The following CADM2 variants were observed in gnomAD, a reference collection of about 807,000 sequenced individuals.
CADM2 encodes the protein immunoglobulin superfamily member 4D.
Under a neutral mutation model 49.8 loss-of-function variants are expected in CADM2, and 12 were observed. That is an observed-to-expected ratio of 0.24 (90% CI 0.15 to 0.39). CADM2 has a LOEUF of 0.39. CADM2 is among the 10% of genes least tolerant of loss of function. The pLI is 1.00. For synonymous variants in CADM2, 214 were observed against 175.4 expected (o/e 1.22, Z -1.74); for missense variants, 378 against 492.3 (o/e 0.77, Z 2.20).
In CADM2 at chr3:85,718,317, C is replaced by T. The variant is rs139842458; in HGVS notation, c.62-8205C>T. Among the ~76,000 whole-genome samples, 38 of 152,248 alleles carry T rather than the reference C, an allele frequency of 2.5e-4. No homozygotes were observed. In the East Asian group the frequency reaches 6.6e-3, roughly 26 times the overall value. On this transcript the variant is annotated intron_variant, in intron 1 of 9. Coordinates refer to ENST00000383699, the MANE Select transcript of CADM2 (RefSeq NM_001167675.2). ...GTAATGTAGACATAAAATATAACTT[C>T]AAAGATTGCCCGTGTACTTTAGTTA...
intron 1 of CADM2, among the ~76,000 whole-genome samples, chr3:84,993,762 T>C (rs936129386): frequency 2.0e-5 from 3 of 152,164 alleles, no homozygotes; most frequent in African/African-American, 7.2e-5. Flanking sequence ...AGCCTTAGGG[T>C]GCAGAACAGA....
At chr3:85,147,457 C>G (rs1486059384) in intron 1 of CADM2, among the ~76,000 whole-genome samples, 1 of 151,848 alleles carries the variant, frequency 6.6e-6, no homozygotes, top group Admixed American at 6.6e-5. Flanking sequence ...TACTCTTAAT[C>G]AAATAATATA....
At chr3:85,613,083 C>A (rs2063717853) in intron 1 of CADM2, among the ~76,000 whole-genome samples, 1 of 151,610 alleles carries the variant, frequency 6.6e-6, no homozygotes, top group African/African-American at 2.4e-5. Context: ...AATATAAACA[C>A]ACACAGGAAT....
intron 1 of CADM2, among the ~76,000 whole-genome samples, chr3:85,412,687 G>A (rs184120898): frequency 6.6e-6 from 1 of 151,636 alleles, no homozygotes; most frequent in Admixed American, 6.6e-5. Flanking sequence ...TCATCCTATT[G>A]AAAATAAAAC....
chr3:85,103,195 G>C (rs2038075157), intron 1 of CADM2, among the ~76,000 whole-genome samples: 1 of 152,142 alleles, frequency 6.6e-6, no homozygotes, highest in Non-Finnish European at 1.5e-5. Flanking sequence ...AACGTAGGGA[G>C]AAACAGTAAC....
At chr3:85,461,485 G>T (rs1358273985) in intron 1 of CADM2, among the ~76,000 whole-genome samples, 1 of 152,080 alleles carries the variant, frequency 6.6e-6, no homozygotes, top group Non-Finnish European at 1.5e-5. Flanking sequence ...AGGAAAAATT[G>T]TAAGCTACAA....
chr3:85,391,711 T>C (rs538165669), intron 1 of CADM2, among the ~76,000 whole-genome samples: 100 of 152,246 alleles, frequency 6.6e-4, no homozygotes, highest in African/African-American at 2.3e-3. Context: ...TATTCTTAGA[T>C]ACAGATTTGT....
At chr3:85,984,487 A>C (rs1230206003) in intron 8 of CADM2, among the ~76,000 whole-genome samples, 1 of 151,744 alleles carries the variant, frequency 6.6e-6, no homozygotes, top group Non-Finnish European at 1.5e-5. Context: ...TATATATTTA[A>C]GTGGTTATGT....
chr3:85,504,975 G>A (rs1309742231), intron 1 of CADM2, among the ~76,000 whole-genome samples: 4 of 152,130 alleles, frequency 2.6e-5, no homozygotes, highest in Non-Finnish European at 4.4e-5. Flanking sequence ...TTCGCGTGCG[G>A]GGCCCGCCAA....
chr3:85,859,941 T>C (rs1046708798), intron 3 of CADM2, among the ~76,000 whole-genome samples: 1 of 152,164 alleles, frequency 6.6e-6, no homozygotes, highest in Non-Finnish European at 1.5e-5. Flanking sequence ...TCATTCTCCT[T>C]GAAGTGAGAT....
intron 1 of CADM2, among the ~76,000 whole-genome samples, chr3:85,452,742 T>A (rs2037808690): frequency 6.6e-6 from 1 of 152,172 alleles, no homozygotes; most frequent in Admixed American, 6.5e-5. Context: ...TTGGAAGTTG[T>A]CTTGCGGTAG....
intron 7 of CADM2, among the ~76,000 whole-genome samples, chr3:85,952,906 A>C (rs765027964): frequency 2.0e-5 from 3 of 150,976 alleles, no homozygotes; most frequent in Non-Finnish European, 4.5e-5. Flanking sequence ...CTCACTTCTC[A>C]AAAATCAAAA....
At chr3:85,669,017 C>T (rs1691339842) in intron 1 of CADM2, among the ~76,000 whole-genome samples, 2 of 152,110 alleles carry the variant, frequency 1.3e-5, no homozygotes, top group South Asian at 4.1e-4. Context: ...GATAATTTCA[C>T]CTGATAAAAT....
chr3:85,723,175 A>T (rs2067568165), intron 1 of CADM2, among the ~76,000 whole-genome samples: 2 of 152,150 alleles, frequency 1.3e-5, no homozygotes, highest in African/African-American at 4.8e-5. Flanking sequence ...TACAATTTTA[A>T]TATTATAACG....
chr3:85,989,330 A>G (rs1728484553), intron 8 of CADM2, among the ~76,000 whole-genome samples: 1 of 152,186 alleles, frequency 6.6e-6, no homozygotes, highest in South Asian at 2.1e-4. Context: ...TATCCTAAGC[A>G]AAGAAAAACT....
chr3:85,599,704 A>C (rs1482050043), intron 1 of CADM2, among the ~76,000 whole-genome samples: 1 of 151,930 alleles, frequency 6.6e-6, no homozygotes, highest in Admixed American at 6.6e-5. Flanking sequence ...AATTATGTCA[A>C]ATTTATAAAA....
chr3:85,020,495 A>G (rs758182507), intron 1 of CADM2, among the ~76,000 whole-genome samples: 1 of 152,210 alleles, frequency 6.6e-6, no homozygotes, highest in Non-Finnish European at 1.5e-5. Flanking sequence ...GCTATAATAA[A>G]CAATCTACTT....
Position 85,035,399 on chromosome 3 carries a change from T to C in CADM2, c.61+75731T>C, listed in dbSNP as rs578007008. Among the ~76,000 whole-genome samples, 3 of 152,310 alleles carry C rather than the reference T, an allele frequency of 2.0e-5. No homozygotes were observed. In the South Asian group the frequency reaches 6.2e-4, roughly 32 times the overall value. On this transcript the variant is annotated intron_variant, in intron 1 of 9. Coordinates refer to ENST00000383699, the MANE Select transcript of CADM2 (RefSeq NM_001167675.2). ...CTTTTCAGTTTGTTGACTGTTTCCT[T>C]TGCTATGCAGAAATTTTTTGACTTG...
At chr3:85,516,190 C>T (rs1475980764) in intron 1 of CADM2, among the ~76,000 whole-genome samples, 1 of 152,116 alleles carries the variant, frequency 6.6e-6, no homozygotes, top group Admixed American at 6.5e-5. Flanking sequence ...GTTGAAAGTT[C>T]TCCTAATGCA....
Sources: allele counts gnomAD v4.1 joint callset (sites outside exome capture counted in the v4.1 genomes callset), GRCh38; gene constraint gnomAD v4.1.1; transcripts MANE v1.5; gene names NCBI Gene and HGNC (gene_info 2026-07-23, HGNC 2026-07-21).